The following PCDH15 variants were observed in gnomAD, a reference collection of about 807,000 sequenced individuals.
PCDH15 encodes the protein protocadherin related 15.
A neutral mutation model predicts 178.5 loss-of-function variants in PCDH15; 129 were observed. That is an observed-to-expected ratio of 0.72 (90% CI 0.63 to 0.84). PCDH15 has a LOEUF of 0.84. Ranked by LOEUF, PCDH15 falls within the 40% of genes least tolerant of loss-of-function variation. The pLI, the probability that PCDH15 is intolerant of heterozygous loss-of-function variation, is 0.00. For missense variants in PCDH15, 2,230 were observed against 2,099.9 expected (o/e 1.06, Z -1.21); for synonymous variants, 800 against 732.0 (o/e 1.09, Z -1.50).
intron 18 of PCDH15, among the ~76,000 whole-genome samples, chr10:54,046,214 C>A (rs74135775): frequency 0.033 from 4,969 of 152,232 alleles, 257 homozygotes; most frequent in African/African-American, 0.11. Flanking sequence ...CCATGACCAA[C>A]TCTCATATAC....
intron 3 of PCDH15, among the ~76,000 whole-genome samples, chr10:54,478,508 C>G (rs2078447185): frequency 6.6e-6 from 1 of 152,022 alleles, no homozygotes; most frequent in South Asian, 2.1e-4. Context: ...TATCTCATTC[C>G]TTTAAGCCAA....
intron 21 of PCDH15, among the ~76,000 whole-genome samples, chr10:53,978,384 C>A (rs1342538199): frequency 6.6e-6 from 1 of 152,136 alleles, no homozygotes; most frequent in Non-Finnish European, 1.5e-5. Flanking sequence ...GAAGCGATGG[C>A]CTGAACTGTA....
At chr10:54,366,529 T>C (rs534164336) in intron 5 of PCDH15, among the ~76,000 whole-genome samples, 18 of 152,172 alleles carry the variant, frequency 1.2e-4, no homozygotes, top group African/African-American at 4.1e-4. Flanking sequence ...TTTTAATGTA[T>C]CTTCCTAATA....
intron 1 of PCDH15, among the ~76,000 whole-genome samples, chr10:54,670,888 T>C (rs2094652973): frequency 6.6e-6 from 1 of 152,164 alleles, no homozygotes; most frequent in South Asian, 2.1e-4. Context: ...TTTTACCTAA[T>C]ATACATTTCA....
intron 20 of PCDH15, among the ~76,000 whole-genome samples, chr10:54,005,974 C>T (rs2092371689): frequency 6.6e-6 from 1 of 151,996 alleles, no homozygotes; most frequent in South Asian, 2.1e-4. Flanking sequence ...TACTATTTAA[C>T]CATAAAGAAG....
At chr10:55,510,211 C>G (rs1001628657) in intron 2 of PCDH15, among the ~76,000 whole-genome samples, 2 of 151,874 alleles carry the variant, frequency 1.3e-5, no homozygotes, top group Non-Finnish European at 2.9e-5. Flanking sequence ...TTAATAACTG[C>G]AATATGTTTT....
chr10:55,147,854 T>C (rs1426650638), intron 2 of PCDH15, among the ~76,000 whole-genome samples: 6 of 151,656 alleles, frequency 4.0e-5, no homozygotes, highest in Non-Finnish European at 8.9e-5. Flanking sequence ...TTCCTGTCTA[T>C]CTTTCTGTTT....
At chr10:54,602,730 G>A (rs1162850273) in intron 2 of PCDH15, among the ~76,000 whole-genome samples, 1 of 151,904 alleles carries the variant, frequency 6.6e-6, no homozygotes, top group African/African-American at 2.4e-5. Flanking sequence ...TGATCATATG[G>A]TTTTTGTGTT....
At chr10:54,276,586 G>A (rs1033551846) in intron 8 of PCDH15, among the ~76,000 whole-genome samples, 1 of 151,432 alleles carries the variant, frequency 6.6e-6, no homozygotes, top group African/African-American at 2.4e-5. Context: ...ATATGACCCA[G>A]AAATTCCACT....
intron 2 of PCDH15, among the ~76,000 whole-genome samples, chr10:55,523,812 G>T (rs1336101115): frequency 6.6e-6 from 1 of 151,516 alleles, no homozygotes; most frequent in South Asian, 2.1e-4. Context: ...AGTCTCTATT[G>T]TAGTAACACA....
At chr10:55,086,777 TAAAC>T (rs1425191969) in intron 2 of PCDH15, among the ~76,000 whole-genome samples, 4 of 152,058 alleles carry the variant, frequency 2.6e-5, no homozygotes, top group African/African-American at 7.2e-5. Context: ...TTAATATAGA[TAAAC>T]AAATAAATAT....
chr10:54,586,481 T>C (rs1008701112), intron 2 of PCDH15, among the ~76,000 whole-genome samples: 5 of 152,198 alleles, frequency 3.3e-5, no homozygotes, highest in African/African-American at 1.2e-4. Context: ...ATGTGTCACC[T>C]TACTTAATCT....
intron 3 of PCDH15, among the ~76,000 whole-genome samples, chr10:54,500,570 G>A (rs981150885): frequency 1.3e-5 from 2 of 151,994 alleles, no homozygotes; most frequent in African/African-American, 4.8e-5. Context: ...TGGTTCACAG[G>A]TGTAACCCCA....
At chr10:54,546,732 AT>A (rs1443263102) in intron 2 of PCDH15, among the ~76,000 whole-genome samples, 1 of 152,166 alleles carries the variant, frequency 6.6e-6, no homozygotes, top group Non-Finnish European at 1.5e-5. Context: ...AAGCCATTGG[AT>A]ATGCCTTGTT....
intron 1 of PCDH15, among the ~76,000 whole-genome samples, chr10:55,218,343 A>C (rs778490494): frequency 6.6e-6 from 1 of 152,010 alleles, no homozygotes; most frequent in Non-Finnish European, 1.5e-5. Context: ...GAGTTAACGA[A>C]ATAATAGGAA....
chr10:55,492,468 A>C (rs1371521830), intron 2 of PCDH15, among the ~76,000 whole-genome samples: 1 of 151,746 alleles, frequency 6.6e-6, no homozygotes, highest in East Asian at 2.0e-4. Context: ...AACAAATACA[A>C]GGAAGGATGT....
At chr10:55,105,797 T>C (rs539181260) in intron 2 of PCDH15, among the ~76,000 whole-genome samples, 1 of 152,128 alleles carries the variant, frequency 6.6e-6, no homozygotes, top group African/African-American at 2.4e-5. Flanking sequence ...GGATAATGTA[T>C]GGTAGTTAGA....
chr10:54,802,849 A>G (rs570575755), upstream of PCDH15, among the ~76,000 whole-genome samples: 1 of 152,344 alleles, frequency 6.6e-6, no homozygotes, highest in African/African-American at 2.4e-5. Context: ...ATGACACATC[A>G]GAAATATAGC....
At chr10:54,085,052 G>A (rs1293924584) in intron 16 of PCDH15, among the ~76,000 whole-genome samples, 1 of 152,076 alleles carries the variant, frequency 6.6e-6, no homozygotes, top group East Asian at 1.9e-4. Flanking sequence ...AAAAGATGAT[G>A]GTGGCATGAA....
Sources: gnomAD v4.1 joint callset for allele counts (sites outside exome capture counted in the v4.1 genomes callset) on GRCh38, gnomAD v4.1.1 for gene constraint, MANE v1.5 for transcripts, NCBI Gene and HGNC (gene_info 2026-07-23, HGNC 2026-07-21) for gene names.